The following PSEN1 variants were observed in gnomAD, a reference collection of about 807,000 sequenced individuals.
The protein encoded by PSEN1 is presenilin 1, also known as presenilin-1.
In PSEN1, 15 loss-of-function variants were observed where a neutral mutation model predicts 53.5. The ratio of observed to expected loss-of-function variants is 0.28; its 90% CI spans 0.19 to 0.43. The LOEUF is 0.43. Among genes scored for constraint, PSEN1 ranks in the 20% least tolerant of loss-of-function variants. PSEN1 has a pLI of 1.00. For missense variants in PSEN1, 387 were observed against 571.2 expected (o/e 0.68, Z 3.29); for synonymous variants, 208 against 209.8 (o/e 0.99, Z 0.08).
At chr14:73,184,575 C>A (rs1472628421) in intron 5 of PSEN1, among the ~76,000 whole-genome samples, 16 of 138,154 alleles carry the variant, frequency 1.2e-4, no homozygotes, top group African/African-American at 4.0e-4. Flanking sequence ...GGGCTCCTCA[C>A]TTCCCAGTAG....
At chr14:73,211,521 G>A (rs1899678638) in intron 9 of PSEN1, among the ~76,000 whole-genome samples, 1 of 152,080 alleles carries the variant, frequency 6.6e-6, no homozygotes, top group African/African-American at 2.4e-5. Flanking sequence ...GGCTTGGCTT[G>A]GTCAGGATTC....
At chr14:73,193,217 G>A (rs1227238844) in intron 7 of PSEN1, among the ~76,000 whole-genome samples, 1 of 152,026 alleles carries the variant, frequency 6.6e-6, no homozygotes, top group African/African-American at 2.4e-5. Flanking sequence ...GGCTGAGGTG[G>A]GAGGATCGAT....
intron 5 of PSEN1, among the ~76,000 whole-genome samples, chr14:73,185,278 G>A (rs1056770804): frequency 1.1e-4 from 17 of 152,240 alleles, no homozygotes; most frequent in Middle Eastern, 3.4e-3. Flanking sequence ...AGGTTGTAGC[G>A]AGCCGAGATC....
At chr14:73,154,913 G>A (rs1164002634) in intron 3 of PSEN1, among the ~76,000 whole-genome samples, 1 of 152,164 alleles carries the variant, frequency 6.6e-6, no homozygotes, top group African/African-American at 2.4e-5. Context: ...TAGGGAAATA[G>A]GCTTTCTTGT....
intron 5 of PSEN1, among the ~76,000 whole-genome samples, chr14:73,183,291 TA>T (rs1352304032): frequency 5.1e-5 from 6 of 118,556 alleles, no homozygotes; most frequent in African/African-American, 1.7e-4. Flanking sequence ...CTAATTTTTG[TA>T]TTTTTTTTTT....
intron 9 of PSEN1, among the ~76,000 whole-genome samples, chr14:73,211,313 CAT>C (rs1899667991): frequency 6.6e-6 from 1 of 152,156 alleles, no homozygotes; most frequent in African/African-American, 2.4e-5. Flanking sequence ...TAGTTCTAGG[CAT>C]CATGTCTAGA....
intron 9 of PSEN1, among the ~76,000 whole-genome samples, chr14:73,211,534 C>A (rs1028036225): frequency 6.6e-6 from 1 of 152,010 alleles, no homozygotes; most frequent in Non-Finnish European, 1.5e-5. Flanking sequence ...CAGGATTCAC[C>A]ACCAGAGTCA....
intron 8 of PSEN1, 94 bp downstream of exon 8, chr14:73,198,223 T>C (rs1051620895): frequency 2.6e-6 from 2 of 779,676 alleles, no homozygotes; most frequent in Admixed American, 2.0e-5. Flanking sequence ...TGGTACTTGT[T>C]CTCATCTTAA....
chr14:73,189,823 A>T, intron 6 of PSEN1: 1 of 252,722 alleles, frequency 4.0e-6, no homozygotes, highest in South Asian at 4.6e-5. Flanking sequence ...CAGTGTGGAG[A>T]ACATCTTGCA....
rs1413261352 is a variant in PSEN1 at position 73,223,589 on chromosome 14, A to G, written c.*4300A>G. ...CTTAATTCAGACAGACTGTGAATAC[A>G]CCTTTTTTATAAATACCTTTCAAAT... On this transcript the variant is annotated 3_prime_UTR_variant, in exon 12 of 12. Coordinates refer to ENST00000324501, the MANE Select transcript of PSEN1 (RefSeq NM_000021.4). 2 of 152,128 alleles carry G rather than the reference A, an allele frequency of 1.3e-5. No individual in the cohort carries two copies. The highest frequency in any genetic ancestry group is 6.6e-5 in the Admixed American group (1 of 15,260). 9.4% of individuals were successfully genotyped at this position (152,128 alleles called of 1,614,324 possible).
At chr14:73,216,273 G>A (rs960164498) in intron 10 of PSEN1, among the ~76,000 whole-genome samples, 1 of 152,228 alleles carries the variant, frequency 6.6e-6, no homozygotes, top group Admixed American at 6.5e-5. Context: ...TTAAGGCCTA[G>A]GGTAGGAGTG....
At chr14:73,219,046 G>A (rs1900042923) in intron 11 of PSEN1, 88 bp from the exon 12 acceptor site, 6 of 1,411,530 alleles carry the variant, frequency 4.3e-6, no homozygotes. Context: ...AGTTAACTAT[G>A]TTAAAAACCA....
At chr14:73,195,291 G>C (rs1898895117) in intron 7 of PSEN1, among the ~76,000 whole-genome samples, 1 of 152,110 alleles carries the variant, frequency 6.6e-6, no homozygotes, top group Admixed American at 6.5e-5. Context: ...TCCTGCCTCA[G>C]CCTTCCGAGT....
At chr14:73,216,873 ATTAC>A (rs1169641554) in intron 10 of PSEN1, among the ~76,000 whole-genome samples, 4 of 152,214 alleles carry the variant, frequency 2.6e-5, no homozygotes, top group Admixed American at 6.5e-5. Context: ...GATGACGATT[ATTAC>A]TTATTATTGT....
At chr14:73,218,979 T>G (rs1900040592) in intron 11 of PSEN1, among the ~76,000 whole-genome samples, 155 bp from the exon 12 acceptor site, 2 of 152,220 alleles carry the variant, frequency 1.3e-5, no homozygotes, top group Admixed American at 1.3e-4. Flanking sequence ...TTCATAGCTC[T>G]TCTTCCAGAT....
chr14:73,219,947 T>C lies in PSEN1; in HGVS notation c.*658T>C, dbSNP rs200164246. The stretch of plus-strand genomic sequence containing the variant: ...TTTGGCAATTCTTCTTCTCAAGCAC[T>C]GACACTCATTACCGTCTGTGATTGC... On this transcript the variant is annotated 3_prime_UTR_variant, in exon 12 of 12. Transcript: ENST00000324501. The C allele has an allele frequency of 6.5e-6, 1 of 153,216 alleles. No homozygotes were observed. Among genetic ancestry groups the C allele is most frequent in the Admixed American group, 6.5e-5 (1 of 15,424 alleles). The allele number at this position is 153,216 out of a possible 1,614,324, so 9.5% of individuals were successfully genotyped here. A position where few individuals can be genotyped will look rare whatever the true frequency, so the allele number is the denominator to read the frequency against.
intron 8 of PSEN1, among the ~76,000 whole-genome samples, chr14:73,201,137 G>A (rs770454911): frequency 1.3e-5 from 2 of 152,146 alleles, no homozygotes; most frequent in African/African-American, 4.8e-5. Flanking sequence ...CGCCCAGGCT[G>A]GAGTTCAGTG....
intron 1 of PSEN1, among the ~76,000 whole-genome samples, chr14:73,144,623 A>C (rs1897019495): frequency 6.6e-6 from 1 of 152,186 alleles, no homozygotes; most frequent in African/African-American, 2.4e-5. Context: ...AAGCAAGTGA[A>C]CTTCTGTGTG....
chr14:73,206,289 G>C, intron 8 of PSEN1, 97 bp from the exon 9 acceptor site: 2 of 847,782 alleles, frequency 2.4e-6, no homozygotes, highest in Non-Finnish European at 4.1e-6. Flanking sequence ...GCAGCATTAG[G>C]AAGACTGGCG....
Sources: allele counts gnomAD v4.1 joint callset (sites outside exome capture counted in the v4.1 genomes callset), GRCh38; gene constraint gnomAD v4.1.1; transcripts MANE v1.5; gene names NCBI Gene and HGNC (gene_info 2026-07-23, HGNC 2026-07-21).